PSD3: variants seen among roughly 807,000 people sequenced by gnomAD.
PSD3 encodes the protein PH and SEC7 domain-containing protein 3.
PSD3 carries 49 observed loss-of-function variants against 105.5 expected under a neutral mutation model. That is an observed-to-expected ratio of 0.46 (90% CI 0.37 to 0.59). The LOEUF is 0.59. Ranked by LOEUF, PSD3 falls within the 20% of genes least tolerant of loss-of-function variation. The pLI, the probability that PSD3 is intolerant of heterozygous loss-of-function variation, is 0.00. For missense variants in PSD3, 1,561 were observed against 1,263.8 expected (o/e 1.24, Z -3.57); for synonymous variants, 557 against 457.8 (o/e 1.22, Z -2.77).
At chr8:19,067,271 T>C (rs1829105414) in intron 1 of PSD3, among the ~76,000 whole-genome samples, 1 of 152,208 alleles carries the variant, frequency 6.6e-6, no homozygotes, top group Non-Finnish European at 1.5e-5. Context: ...TTCCATGCCC[T>C]CTTGCGTGGT....
At chr8:18,999,594 A>G (rs1826265924) in intron 1 of PSD3, among the ~76,000 whole-genome samples, 1 of 152,000 alleles carries the variant, frequency 6.6e-6, no homozygotes, top group Non-Finnish European at 1.5e-5. Flanking sequence ...TGCTTTAGAA[A>G]GAAGCCATTA....
rs191229009 is a variant in PSD3 at position 18,830,470 on chromosome 8, T to G, written c.1635-25572A>C. Among the ~76,000 whole-genome samples the G allele has an allele frequency of 5.9e-5, 9 of 152,304 alleles. No individual in the cohort carries two copies. In the East Asian group the frequency reaches 1.7e-3, roughly 29 times the overall value. Reference sequence around the variant, plus strand: ...ATACACCAAAACTTCTGGGCATCTCTTTTAGTCATTTCCCAGGAGGACACA... The same window carrying G: ...ATACACCAAAACTTCTGGGCATCTCGTTTAGTCATTTCCCAGGAGGACACA... On this transcript the variant is annotated intron_variant, in intron 4 of 15. Coordinates refer to ENST00000327040, the MANE Select transcript of PSD3 (RefSeq NM_015310.4).
chr8:18,626,755 G>GTTA (rs1477787853), intron 11 of PSD3, among the ~76,000 whole-genome samples: 1 of 152,104 alleles, frequency 6.6e-6, no homozygotes, highest in Non-Finnish European at 1.5e-5. Context: ...CAGCCAAATA[G>GTTA]TTAGATAAAC....
intron 2 of PSD3, among the ~76,000 whole-genome samples, chr8:18,914,465 A>G (rs1820452593): frequency 6.6e-6 from 1 of 152,202 alleles, no homozygotes; most frequent in Admixed American, 6.5e-5. Context: ...ATATACAGAA[A>G]TCCTAAAGAG....
At chr8:19,068,849 C>A (rs1215256572) in intron 1 of PSD3, among the ~76,000 whole-genome samples, 1 of 151,920 alleles carries the variant, frequency 6.6e-6, no homozygotes, top group Admixed American at 6.6e-5. Flanking sequence ...CTGGCTCTGA[C>A]TGTGTGAAAA....
intron 1 of PSD3, among the ~76,000 whole-genome samples, chr8:18,985,896 ATAG>A (rs1462465723): frequency 6.6e-6 from 1 of 151,896 alleles, no homozygotes; most frequent in Non-Finnish European, 1.5e-5. Context: ...CTCTAAATTA[ATAG>A]TATTATATTA....
intron 4 of PSD3, among the ~76,000 whole-genome samples, chr8:18,843,196 T>G (rs1374537466): frequency 3.3e-5 from 5 of 151,872 alleles, no homozygotes; most frequent in Non-Finnish European, 7.4e-5. Flanking sequence ...CCATCTCTAC[T>G]AAAAATACAA....
chr8:18,854,585 T>C (rs1440989862), intron 4 of PSD3, among the ~76,000 whole-genome samples: 2 of 152,228 alleles, frequency 1.3e-5, no homozygotes, highest in Non-Finnish European at 2.9e-5. Context: ...TTTGGTTTAA[T>C]AGCACTAAAG....
chr8:18,867,177 C>T (rs916405753), intron 4 of PSD3, among the ~76,000 whole-genome samples: 3 of 152,146 alleles, frequency 2.0e-5, no homozygotes, highest in Non-Finnish European at 4.4e-5. Context: ...TCCTTCAACA[C>T]GTCAGGAACA....
At chr8:19,020,649 TACA>T (rs1456969677) in intron 1 of PSD3, among the ~76,000 whole-genome samples, 2 of 151,984 alleles carry the variant, frequency 1.3e-5, no homozygotes, top group African/African-American at 4.8e-5. Flanking sequence ...AGGAGGCTAC[TACA>T]ACAATTCAAG....
chr8:18,699,540 T>C (rs1161658658), intron 9 of PSD3, among the ~76,000 whole-genome samples: 1 of 152,172 alleles, frequency 6.6e-6, no homozygotes, highest in Non-Finnish European at 1.5e-5. Flanking sequence ...GGACTTATAT[T>C]GAATGAGTTT....
rs77615627 is a variant in PSD3 at position 18,571,767 on chromosome 8, G to A, written c.2784+761C>T. Among the ~76,000 whole-genome samples, 802 of 152,278 alleles carry A rather than the reference G, an allele frequency of 5.3e-3. 13 individuals carry two copies. In the East Asian group the frequency reaches 0.055, roughly 10 times the overall value. ...AGCTAGTTAATACCAACACTTGGTC[G>A]ATCATAGTAAGATAAAACTGTCTCT... On this transcript the variant is annotated intron_variant, in intron 14 of 15. Transcript: ENST00000327040.
At chr8:18,595,593 T>C (rs1261426305) in intron 12 of PSD3, among the ~76,000 whole-genome samples, 1 of 151,848 alleles carries the variant, frequency 6.6e-6, no homozygotes, top group African/African-American at 2.4e-5. Flanking sequence ...GAAAAAATAT[T>C]GCATGCAATT....
At chr8:18,699,468 A>G (rs1299577791) in intron 9 of PSD3, among the ~76,000 whole-genome samples, 1 of 152,160 alleles carries the variant, frequency 6.6e-6, no homozygotes, top group Admixed American at 6.5e-5. Flanking sequence ...AGACGACCCA[A>G]CATTTCTTTC....
intron 1 of PSD3, among the ~76,000 whole-genome samples, chr8:19,021,006 A>G (rs528815967): frequency 1.3e-5 from 2 of 152,278 alleles, no homozygotes; most frequent in Middle Eastern, 3.4e-3. Context: ...GACAGGTAGG[A>G]GTGGGAGCTG....
chr8:18,720,670 AC>A (rs760836272), intron 9 of PSD3, among the ~76,000 whole-genome samples: 9 of 152,178 alleles, frequency 5.9e-5, no homozygotes, highest in Non-Finnish European at 1.2e-4. Flanking sequence ...AGTGTTTAGT[AC>A]AAACCCATCC....
chr8:18,889,462 G>T (rs1818648502), intron 2 of PSD3, among the ~76,000 whole-genome samples: 1 of 152,044 alleles, frequency 6.6e-6, no homozygotes, highest in South Asian at 2.1e-4. Context: ...AATCACCCAG[G>T]CCCAGGTCCT....
rs116151237 is a variant in PSD3, at chr8:19,074,426, C to T, written c.324+9780G>A. Among the ~76,000 whole-genome samples, 982 of 151,860 alleles carry T rather than the reference C, an allele frequency of 6.5e-3. 11 individuals carry two copies. The highest frequency in any genetic ancestry group is 0.023 in the African/African-American group (954 of 41,372). On this transcript the variant is annotated intron_variant, in intron 1 of 1. Transcript: ENST00000521475. ...CAATCTAGGTCCAGATTTTCTAATC[C>T]GGATTTCAAATTCTCCAGTGTTGTC...
chr8:18,727,500 A>G (rs964568767), intron 9 of PSD3, among the ~76,000 whole-genome samples: 2 of 147,740 alleles, frequency 1.4e-5, no homozygotes, highest in African/African-American at 5.0e-5. Flanking sequence ...ACAGAGCAAG[A>G]TTCCATCTCA....
Sources: gnomAD v4.1 joint callset for allele counts (sites outside exome capture counted in the v4.1 genomes callset) on GRCh38, gnomAD v4.1.1 for gene constraint, MANE v1.5 for transcripts, NCBI Gene and HGNC (gene_info 2026-07-23, HGNC 2026-07-21) for gene names.